Variants in NBPF11 observed in about 807,000 individuals in gnomAD.
The protein encoded by NBPF11 is NBPF member 11.
Under a neutral mutation model 93.9 loss-of-function variants are expected in NBPF11, and 72 were observed. That is an observed-to-expected ratio of 0.77 (90% confidence interval 0.63 to 0.93). The LOEUF is 0.93. Ranked by LOEUF, NBPF11 falls within the 40% of genes least tolerant of loss-of-function variation. The pLI is 0.00. For synonymous variants in NBPF11, 224 were observed against 304.9 expected, an observed-to-expected ratio of 0.73 and a Z score of 2.76; for missense variants, 705 against 802.2, an observed-to-expected ratio of 0.88 and a Z score of 1.46.
At chr1:148,134,014 G>A (rs1164139785) in intron 4 of NBPF11, among the ~76,000 whole-genome samples, 1 of 152,064 alleles carries the variant, frequency 6.6e-6, no homozygotes, top group Non-Finnish European at 1.5e-5. Context: ...CCCACGGCCT[G>A]TCCTCTACTC....
intron 1 of NBPF11, among the ~76,000 whole-genome samples, chr1:148,150,978 C>T (rs1180451923): frequency 6.6e-6 from 1 of 151,854 alleles, no homozygotes; most frequent in Non-Finnish European, 1.5e-5. Context: ...CCGCCCGCGT[C>T]GGCCTCTTAA....
chr1:148,149,083 T>C (rs1398394230), intron 1 of NBPF11: 13 of 1,319,014 alleles, frequency 9.9e-6, no homozygotes, highest in African/African-American at 1.5e-5. Context: ...CATCCGGAGC[T>C]GGGCCCGGGG....
chr1:148,126,345 T>C (rs1352248345), intron 5 of NBPF11, among the ~76,000 whole-genome samples: 1 of 151,644 alleles, frequency 6.6e-6, no homozygotes, highest in Non-Finnish European at 1.5e-5. Context: ...GCACAGGTTC[T>C]ATTAGGAGCA....
intron 15 of NBPF11, among the ~76,000 whole-genome samples, chr1:148,111,662 A>T (rs1553268671): frequency 6.6e-6 from 1 of 151,646 alleles, no homozygotes. Context: ...CAGTGATTCA[A>T]GATCAAATTA....
intron 15 of NBPF11, among the ~76,000 whole-genome samples, chr1:148,111,853 C>A (rs1443123332): frequency 1.3e-5 from 2 of 150,940 alleles, no homozygotes; most frequent in African/African-American, 4.9e-5. Flanking sequence ...GGAGGACTTC[C>A]CCAACCTAGC....
At chr1:148,111,019 T>A (rs1665121439) in intron 15 of NBPF11, among the ~76,000 whole-genome samples, 1 of 151,464 alleles carries the variant, frequency 6.6e-6, no homozygotes, top group Non-Finnish European at 1.5e-5. Context: ...GCCAACATAC[T>A]ACCAACAAAT....
At chr1:148,146,493 C>T in intron 1 of NBPF11, 1 of 1,604,160 alleles carries the variant, frequency 6.2e-7, no homozygotes, top group Non-Finnish European at 8.5e-7. Flanking sequence ...CGCCGGAGGC[C>T]ACCTACTCCC....
At chr1:148,150,437 T>C (rs1471975506) in intron 1 of NBPF11, among the ~76,000 whole-genome samples, 4 of 151,162 alleles carry the variant, frequency 2.6e-5, no homozygotes, top group Non-Finnish European at 4.4e-5. Flanking sequence ...ACTTCTTCTG[T>C]ATACTTCAGT....
At chr1:148,120,894 C>T (rs1667669203) in intron 9 of NBPF11, among the ~76,000 whole-genome samples, 184 bp from the exon 10 acceptor site, 3 of 152,010 alleles carry the variant, frequency 2.0e-5, no homozygotes, top group Admixed American at 2.0e-4. Flanking sequence ...GCTATGCAGT[C>T]ACCTTGAAAC....
intron 1 of NBPF11, chr1:148,149,181 G>A (rs1647570803): frequency 6.3e-7 from 1 of 1,588,716 alleles, no homozygotes. Context: ...AGCCCGGACA[G>A]CATCATCCTG....
In NBPF11 at chr1:148,103,632, C is replaced by G. The variant is rs1662801776; in HGVS notation, c.*264G>C. ...ATCTTCAGGTGCCTATAGGTCCTGC[C>G]TGCAGGAATGACACCTCTCGGCTTA... On this transcript the variant is annotated 3_prime_UTR_variant, in exon 24 of 24. Transcript: ENST00000682118. 5 of 1,610,760 alleles carry G rather than the reference C, an allele frequency of 3.1e-6. No individual in the cohort carries two copies. Among genetic ancestry groups the G allele is most frequent in the Admixed American group, 1.7e-5 (1 of 59,974 alleles).
At chr1:148,114,240 C>T (rs1165865278) in intron 15 of NBPF11, among the ~76,000 whole-genome samples, 197 bp downstream of exon 15, 1 of 151,478 alleles carries the variant, frequency 6.6e-6, no homozygotes, top group Non-Finnish European at 1.5e-5. Context: ...CATCTGATGG[C>T]AAGTTCCTAT....
chr1:148,125,886 G>T (rs1409151841), intron 5 of NBPF11, among the ~76,000 whole-genome samples: 1 of 148,120 alleles, frequency 6.8e-6, no homozygotes, highest in Non-Finnish European at 1.5e-5. Context: ...GCTTCCACAC[G>T]TTCTCGGGTG....
At chr1:148,146,004 A>G (rs1672943534) in intron 1 of NBPF11, among the ~76,000 whole-genome samples, 1 of 152,152 alleles carries the variant, frequency 6.6e-6, no homozygotes, top group Non-Finnish European at 1.5e-5. Flanking sequence ...ATGCATATCC[A>G]GAATAAAGTA....
chr1:148,124,494 T>G (rs1553272398), intron 6 of NBPF11, among the ~76,000 whole-genome samples: 5 of 150,402 alleles, frequency 3.3e-5, no homozygotes, highest in South Asian at 2.1e-4. Context: ...AAGAAAAGAA[T>G]GACAGGGTCG....
intron 1 of NBPF11, chr1:148,146,641 C>T: frequency 6.2e-7 from 1 of 1,611,536 alleles, no homozygotes; most frequent in South Asian, 1.1e-5. Context: ...CCAGCGCGAG[C>T]TGGACACCAT....
intron 9 of NBPF11, 45 bp from the exon 10 acceptor site, chr1:148,120,755 A>G (rs1667635433): frequency 7.5e-7 from 1 of 1,333,412 alleles, no homozygotes; most frequent in Non-Finnish European, 1.1e-6. Context: ...AAAACTGGTG[A>G]AATCAAATAG....
chr1:148,147,922 G>GC lies in NBPF11; in HGVS notation c.-549+3827dup, dbSNP rs1208910101. ...TGTCTGCTCGGCCATCTGTCCTGCT[G>GC]CCCCTTTGTCCTGCAGGAACCTAGG... On this transcript the variant is annotated intron_variant, in intron 1 of 23. Transcript: ENST00000682118. 1.1e-4 allele frequency among the ~76,000 whole-genome samples: 16 copies of GC among 152,162 alleles called. No homozygotes were observed. The East Asian group carries it at 3.1e-3, about 29-fold the overall frequency.
chr1:148,121,348 CTTTT>C (rs782740427), intron 9 of NBPF11, among the ~76,000 whole-genome samples: 2 of 124,844 alleles, frequency 1.6e-5, no homozygotes, highest in Non-Finnish European at 1.7e-5. Flanking sequence ...TGGTCAGAGA[CTTTT>C]TTTTTTTTTT....
Sources: gnomAD v4.1 joint callset for allele counts (sites outside exome capture counted in the v4.1 genomes callset) on GRCh38, gnomAD v4.1.1 for gene constraint, MANE v1.5 for transcripts, NCBI Gene and HGNC (gene_info 2026-07-23, HGNC 2026-07-21) for gene names.